PBX3: variants seen among roughly 807,000 people sequenced by gnomAD.
PBX3 encodes PBX homeobox 3, also known as pre-B-cell leukemia transcription factor 3.
PBX3 carries 14 observed loss-of-function variants against 48.5 expected under a neutral mutation model. The observed-to-expected ratio is 0.29, with a 90% CI of 0.19 to 0.45. The LOEUF (loss-of-function observed/expected upper bound fraction) is 0.45, where lower values mean the gene tolerates loss of function less well. Ranked by LOEUF, PBX3 falls within the 20% of genes least tolerant of loss-of-function variation. The pLI, the probability that PBX3 is intolerant of heterozygous loss-of-function variation, is 1.00. For synonymous variants in PBX3, 210 were observed against 200.3 expected (o/e 1.05, Z -0.41); for missense variants, 386 against 546.7 (o/e 0.71, Z 2.93).
intron 3 of PBX3, among the ~76,000 whole-genome samples, chr9:125,928,491 A>C (rs945443769): frequency 2.0e-5 from 3 of 148,480 alleles, no homozygotes; most frequent in African/African-American, 7.5e-5. Context: ...AGAATCTTGG[A>C]ATCTCGCTTT....
intron 2 of PBX3, among the ~76,000 whole-genome samples, chr9:125,873,694 C>G (rs548947154): frequency 1.3e-5 from 2 of 151,958 alleles, no homozygotes; most frequent in African/African-American, 4.8e-5. Context: ...ATGACTAAAG[C>G]TTTATATTAT....
rs10987044 is a variant in PBX3, at chr9:125,932,743, T to C, written c.708-2729T>C. Among the ~76,000 whole-genome samples, 709 of 152,364 alleles carry C rather than the reference T, an allele frequency of 4.7e-3. 23 individuals are homozygous for C. The highest frequency in any genetic ancestry group is 0.043 in the Admixed American group (653 of 15,308). ...TATTTCTGCTGATACTTTCCCATTC[T>C]TGTCAACATGCATGCTTATTTTTTA... On this transcript the variant is annotated intron_variant, in intron 4 of 8. Coordinates refer to ENST00000373489, the MANE Select transcript of PBX3 (RefSeq NM_006195.6).
intron 2 of PBX3, among the ~76,000 whole-genome samples, chr9:125,780,471 C>A (rs1402923347): frequency 8.5e-5 from 11 of 129,988 alleles, no homozygotes; most frequent in Non-Finnish European, 1.3e-4. Context: ...GGGGCTGACC[C>A]CCCCCACCTC....
chr9:125,939,938 G>A (rs1047732670), intron 5 of PBX3, among the ~76,000 whole-genome samples: 4 of 152,242 alleles, frequency 2.6e-5, no homozygotes, highest in African/African-American at 9.6e-5. Context: ...GGGTGTGGTG[G>A]CTCACGCCTG....
intron 2 of PBX3, among the ~76,000 whole-genome samples, chr9:125,795,960 T>C (rs1212884180): frequency 1.3e-5 from 2 of 152,188 alleles, no homozygotes; most frequent in African/African-American, 4.8e-5. Flanking sequence ...ATTTTTGGTG[T>C]AAGAGACTAA....
chr9:125,844,163 G>A (rs1400011354), intron 2 of PBX3, among the ~76,000 whole-genome samples: 1 of 151,918 alleles, frequency 6.6e-6, no homozygotes, highest in Non-Finnish European at 1.5e-5. Context: ...CTGTTTTTAA[G>A]GAAGTTTTCT....
chr9:125,802,056 C>T (rs978271588), intron 2 of PBX3, among the ~76,000 whole-genome samples: 1 of 152,132 alleles, frequency 6.6e-6, no homozygotes, highest in African/African-American at 2.4e-5. Context: ...AAATGAAATC[C>T]TATCTCAACA....
intron 2 of PBX3, among the ~76,000 whole-genome samples, chr9:125,855,391 T>G (rs1223711543): frequency 6.6e-6 from 1 of 152,138 alleles, no homozygotes; most frequent in Non-Finnish European, 1.5e-5. Flanking sequence ...AGTAACATAT[T>G]TACAGAATTT....
chr9:125,753,779 A>G (rs947897826), intron 2 of PBX3, among the ~76,000 whole-genome samples: 1 of 152,068 alleles, frequency 6.6e-6, no homozygotes, highest in Non-Finnish European at 1.5e-5. Context: ...CAAAGAGCAC[A>G]CTGGTTGATC....
chr9:125,921,638 T>C (rs924718704), intron 3 of PBX3, among the ~76,000 whole-genome samples: 4 of 152,162 alleles, frequency 2.6e-5, no homozygotes, highest in Admixed American at 6.5e-5. Flanking sequence ...TTCATCTTTG[T>C]GGTTGTTCCT....
intron 2 of PBX3, among the ~76,000 whole-genome samples, chr9:125,882,873 T>C (rs1840413086): frequency 6.6e-6 from 1 of 152,094 alleles, no homozygotes; most frequent in South Asian, 2.1e-4. Flanking sequence ...CTGCAGAAAA[T>C]GGGGAAAAGA....
chr9:125,781,720 A>C (rs1837323211), intron 2 of PBX3, among the ~76,000 whole-genome samples: 1 of 150,266 alleles, frequency 6.7e-6, no homozygotes, highest in Admixed American at 6.6e-5. Flanking sequence ...TTTATTATTT[A>C]CTTTCTTCTG....
chr9:125,811,290 A>C (rs1012761392), intron 2 of PBX3, among the ~76,000 whole-genome samples: 1 of 152,218 alleles, frequency 6.6e-6, no homozygotes, highest in South Asian at 2.1e-4. Flanking sequence ...TTTGTTTCTC[A>C]TAGTTCTGAA....
At position 125,915,724 on chromosome 9, in the gene PBX3, G is replaced by A. The variant is rs776761260; in HGVS notation, c.313G>A (p.Asp105Asn). The A allele has an allele frequency of 3.1e-6, 5 of 1,613,304 alleles. No homozygotes were observed. The highest frequency in any genetic ancestry group is 2.2e-5 in the East Asian group (1 of 44,876). The change falls in exon 3 of 9, where the codon GAT (aspartate) becomes AAT (asparagine). Residue 105 changes from aspartate (D) to asparagine (N), a missense_variant. Asp to Asn is a conservative substitution (Grantham distance 23). This residue lies in a region of PBX3 where 69 missense variants were observed against 99.1 expected (regional missense o/e 0.70). Coordinates refer to ENST00000373489, the MANE Select transcript of PBX3 (RefSeq NM_006195.6). ...IRGAQEEDPP[D>N]PQLMRLDNML... is the part of the protein sequence containing the mutation. The stretch of plus-strand genomic sequence containing the variant: ...AGGAGCCCAGGAGGAGGACCCTCCC[G>A]ATCCCCAGCTAATGAGACTGGACAA...
At chr9:125,896,617 C>T (rs1840774086) in intron 2 of PBX3, among the ~76,000 whole-genome samples, 1 of 152,012 alleles carries the variant, frequency 6.6e-6, no homozygotes, top group Non-Finnish European at 1.5e-5. Context: ...GATGTCTCAA[C>T]TGTATATAAG....
chr9:125,818,650 G>A (rs2132151069), intron 2 of PBX3, among the ~76,000 whole-genome samples: 1 of 151,900 alleles, frequency 6.6e-6, no homozygotes. Context: ...CACCTGGCAT[G>A]ATGAGATTAT....
chr9:125,965,462 T>C (rs1415889177), intron 8 of PBX3, among the ~76,000 whole-genome samples: 1 of 152,222 alleles, frequency 6.6e-6, no homozygotes, highest in African/African-American at 2.4e-5. Context: ...AGTTTAGACT[T>C]CATGGAGCCC....
intron 3 of PBX3, among the ~76,000 whole-genome samples, chr9:125,925,227 C>T (rs1395166176): frequency 2.0e-5 from 3 of 152,160 alleles, no homozygotes; most frequent in Non-Finnish European, 2.9e-5. Context: ...GATTACCTAG[C>T]ATAGCGTTTC....
At chr9:125,958,491 G>T (rs1359292639) in intron 5 of PBX3, among the ~76,000 whole-genome samples, 2 of 152,222 alleles carry the variant, frequency 1.3e-5, no homozygotes. Flanking sequence ...CTAGATGTTG[G>T]AAGTAGGACC....
Sources: gnomAD v4.1 joint callset for allele counts (sites outside exome capture counted in the v4.1 genomes callset) on GRCh38, gnomAD v4.1.1 for gene constraint, gnomAD v4.1.1 regional missense constraint, MANE v1.5 for transcripts, NCBI Gene and HGNC (gene_info 2026-07-23, HGNC 2026-07-21) for gene names.